The following RAB6A variants were observed in gnomAD, a reference collection of about 807,000 sequenced individuals.
RAB6A encodes RAB6A, member RAS oncogene family.
Under a neutral mutation model 32.3 loss-of-function variants are expected in RAB6A, and 8 were observed. The ratio of observed to expected loss-of-function variants is 0.25; its 90% CI spans 0.15 to 0.45. RAB6A has a LOEUF of 0.45. Ranked by LOEUF, RAB6A falls within the 20% of genes least tolerant of loss-of-function variation. RAB6A has a pLI of 1.00. For missense variants in RAB6A, 104 were observed against 249.4 expected, an observed-to-expected ratio of 0.42 and a Z score of 3.93; for synonymous variants, 73 against 82.1, an observed-to-expected ratio of 0.89 and a Z score of 0.60.
At chr11:73,749,729 G>T (rs747300347) in intron 1 of RAB6A, among the ~76,000 whole-genome samples, 3 of 152,140 alleles carry the variant, frequency 2.0e-5, no homozygotes, top group African/African-American at 7.2e-5. Flanking sequence ...AGGTGTGGTG[G>T]TATGTGCCTA....
At chr11:73,680,666 G>C (rs1359224072) in intron 6 of RAB6A, among the ~76,000 whole-genome samples, 1 of 152,042 alleles carries the variant, frequency 6.6e-6, no homozygotes, top group Non-Finnish European at 1.5e-5. Flanking sequence ...GGGGTGTGGG[G>C]GGGAGAGTTA....
At chr11:73,733,599 T>C (rs557027514) in intron 1 of RAB6A, among the ~76,000 whole-genome samples, 61 of 151,120 alleles carry the variant, frequency 4.0e-4, no homozygotes, top group Non-Finnish European at 7.7e-4. Flanking sequence ...ATAAAGAGAA[T>C]GGACAAATTG....
chr11:73,722,643 A>G (rs952284755), intron 2 of RAB6A: 4 of 151,652 alleles, frequency 2.6e-5, no homozygotes, highest in East Asian at 3.9e-4. Flanking sequence ...CCTAAAGATA[A>G]TATCTTTATA....
Position 73,709,860 on chromosome 11 carries a change from C to CATATATACAT in RAB6A, c.402-2348_402-2347insATGTATATAT, listed in dbSNP as rs1555058321. On this transcript the variant is annotated intron_variant, in intron 5 of 7. Coordinates refer to ENST00000336083, the MANE Select transcript of RAB6A (RefSeq NM_198896.2). ...ATATACACATATATATACATATATA[C>CATATATACAT]ATATATACACATATACATACATATA... is the stretch of plus-strand genomic sequence containing the variant. 5.0e-3 allele frequency among the ~76,000 whole-genome samples: 731 copies of CATATATACAT among 146,408 alleles called. 2 individuals are homozygous for CATATATACAT. The highest frequency in any genetic ancestry group is 8.9e-3 in the Non-Finnish European group (600 of 67,202).
chr11:73,676,457 G>A lies in RAB6A; in HGVS notation c.*1441C>T, dbSNP rs1262849150. 1.8e-5 allele frequency: 3 copies of A among 163,968 alleles called. No homozygotes were observed. The highest frequency in any genetic ancestry group is 6.7e-5 in the Admixed American group (1 of 14,924). The allele number at this position is 163,968 out of a possible 1,614,324, so 10.2% of individuals were successfully genotyped here. A position where few individuals can be genotyped will look rare whatever the true frequency, so the allele number is the denominator to read the frequency against. Reference sequence around the variant, plus strand: ...TGGTGAAGCTCTAAATAGATTCAACGAAACATCTGAAGATTGAAAGTTGTT... The same window carrying A: ...TGGTGAAGCTCTAAATAGATTCAACAAAACATCTGAAGATTGAAAGTTGTT... On this transcript the variant is annotated 3_prime_UTR_variant, in exon 8 of 8. Coordinates refer to ENST00000336083, the MANE Select transcript of RAB6A (RefSeq NM_198896.2).
chr11:73,744,425 C>T (rs1451765498), intron 1 of RAB6A, among the ~76,000 whole-genome samples: 1 of 142,602 alleles, frequency 7.0e-6, no homozygotes, highest in Admixed American at 7.4e-5. Flanking sequence ...GGAGGAGTAT[C>T]ACTTGAGCCC....
Position 73,726,520 on chromosome 11 carries a change from T to C in RAB6A, c.129+4245A>G, listed in dbSNP as rs555101277. Among the ~76,000 whole-genome samples, 346 of 136,786 alleles carry C rather than the reference T, an allele frequency of 2.5e-3. 1 individual carries two copies. The highest frequency in any genetic ancestry group is 8.7e-3 in the Middle Eastern group (2 of 230). The allele number at this position is 136,786 out of a possible 152,430, so 89.7% of individuals were successfully genotyped here. ...TGGCGTGAACCTGGGAGGCGGAGCTTGCAGTGAGCCGAGATTGTGCCACTG... is the reference window on the plus strand; with the variant it reads ...TGGCGTGAACCTGGGAGGCGGAGCTCGCAGTGAGCCGAGATTGTGCCACTG... On this transcript the variant is annotated intron_variant, in intron 2 of 7. Transcript: ENST00000336083.
At chr11:73,748,378 A>G (rs1290946604) in intron 1 of RAB6A, among the ~76,000 whole-genome samples, 1 of 152,238 alleles carries the variant, frequency 6.6e-6, no homozygotes, top group African/African-American at 2.4e-5. Context: ...TTGAGCAGCC[A>G]TAGCAAAATA....
chr11:73,750,392 C>G (rs977678616), intron 1 of RAB6A, among the ~76,000 whole-genome samples: 7 of 151,470 alleles, frequency 4.6e-5, no homozygotes, highest in Non-Finnish European at 8.8e-5. Flanking sequence ...CTCTGTTACC[C>G]AGGCTGGAGT....
chr11:73,724,520 C>G (rs1946188007), intron 2 of RAB6A, among the ~76,000 whole-genome samples: 1 of 141,532 alleles, frequency 7.1e-6, no homozygotes, highest in Admixed American at 7.4e-5. Context: ...GAGTCTCGCT[C>G]TGTCACCCAG....
chr11:73,709,328 T>C (rs1945902126), intron 5 of RAB6A, among the ~76,000 whole-genome samples: 1 of 151,758 alleles, frequency 6.6e-6, no homozygotes, highest in African/African-American at 2.4e-5. Flanking sequence ...CTGAGGTACT[T>C]AGAACAAGGA....
At chr11:73,727,447 T>A (rs1441329357) in intron 2 of RAB6A, among the ~76,000 whole-genome samples, 3 of 150,750 alleles carry the variant, frequency 2.0e-5, no homozygotes, top group African/African-American at 4.9e-5. Flanking sequence ...AAAAAAGAAC[T>A]TTTTTTTCCC....
rs1002369711 is a variant in RAB6A at position 73,676,423 on chromosome 11, A to G, written c.*1475T>C. On this transcript the variant is annotated 3_prime_UTR_variant, in exon 8 of 8. Coordinates refer to ENST00000336083, the MANE Select transcript of RAB6A (RefSeq NM_198896.2). ...GTTTGCAGTGTTTTAAGGGAAATAC[A>G]TATTGCCATGGTGAAGCTCTAAATA... 5.4e-5 allele frequency: 9 copies of G among 167,052 alleles called. No homozygotes were observed. Among genetic ancestry groups the G allele is most frequent in the Non-Finnish European group, 1.2e-4 (8 of 68,118 alleles). 10.3% of individuals were successfully genotyped at this position (167,052 alleles called of 1,614,324 possible).
chr11:73,688,168 CTT>C (rs992746083), intron 6 of RAB6A, among the ~76,000 whole-genome samples: 5 of 152,214 alleles, frequency 3.3e-5, no homozygotes, highest in African/African-American at 1.2e-4. Context: ...ATGTATATCT[CTT>C]ATCATTCTTT....
At chr11:73,730,569 GACAAAAGA>G in intron 2 of RAB6A, 188 bp downstream of exon 2, 1 of 524,306 alleles carries the variant, frequency 1.9e-6, no homozygotes, top group Non-Finnish European at 3.3e-6. Context: ...CTTTGGAAGA[GACAAAAGA>G]AATCAAATGA....
At chr11:73,733,498 G>C (rs566556147) in intron 1 of RAB6A, among the ~76,000 whole-genome samples, 2 of 151,378 alleles carry the variant, frequency 1.3e-5, no homozygotes, top group Non-Finnish European at 2.9e-5. Flanking sequence ...ACAGTGAGCC[G>C]AGATCATGCC....
chr11:73,730,455 A>T (rs1009511784), intron 2 of RAB6A: 1 of 230,528 alleles, frequency 4.3e-6, no homozygotes, highest in African/African-American at 2.3e-5. Context: ...TCAAATGTAG[A>T]TAAAAAATGT....
intron 1 of RAB6A, among the ~76,000 whole-genome samples, chr11:73,757,586 TAAC>T (rs2135024390): frequency 6.6e-6 from 1 of 152,254 alleles, no homozygotes; most frequent in East Asian, 1.9e-4. Context: ...GCAAATAATT[TAAC>T]AACTTTAATA....
intron 1 of RAB6A, among the ~76,000 whole-genome samples, chr11:73,749,628 G>A (rs1175833086): frequency 6.6e-6 from 1 of 152,154 alleles, no homozygotes; most frequent in African/African-American, 2.4e-5. Context: ...AGGATCACTC[G>A]AGGCCAGAGC....
Sources: allele counts gnomAD v4.1 joint callset (sites outside exome capture counted in the v4.1 genomes callset), GRCh38; gene constraint gnomAD v4.1.1; transcripts MANE v1.5; gene names NCBI Gene and HGNC (gene_info 2026-07-23, HGNC 2026-07-21).